Variants in ZNF577 observed in about 807,000 individuals in gnomAD.
The protein encoded by ZNF577 is zinc finger protein 577.
A neutral mutation model predicts 13.9 loss-of-function variants in ZNF577; 14 were observed. The observed-to-expected ratio is 1.00, with a 90% CI of 0.66 to 1.57. ZNF577 has a LOEUF of 1.57. ZNF577 is among the 40% of genes most tolerant of loss of function. The pLI, the probability that ZNF577 is intolerant of heterozygous loss-of-function variation, is 0.00. For synonymous variants in ZNF577, 203 were observed against 202.9 expected, an observed-to-expected ratio of 1.00 and a Z score of 0.00; for missense variants, 555 against 579.2, an observed-to-expected ratio of 0.96 and a Z score of 0.43.
At chr19:51,829,272 C>T (rs8111469) in intron 9 of ZNF577, among the ~76,000 whole-genome samples, 64,335 of 151,894 alleles carry the variant, frequency 0.42, 13,789 homozygotes, top group South Asian at 0.58. Flanking sequence ...ACAGCCCCGA[C>T]AAGCTGGCAC....
chr19:51,806,972 A>G (rs2084063262), intron 10 of ZNF577, among the ~76,000 whole-genome samples: 1 of 152,242 alleles, frequency 6.6e-6, no homozygotes, highest in Non-Finnish European at 1.5e-5. Context: ...GCCAATTAAT[A>G]TCTCCTAATA....
chr19:51,847,120 C>T (rs1347188415), intron 5 of ZNF577, among the ~76,000 whole-genome samples: 4 of 152,114 alleles, frequency 2.6e-5, no homozygotes, highest in Non-Finnish European at 1.5e-5. Flanking sequence ...CAAGTGTATA[C>T]AAACACTCGT....
At chr19:51,814,815 T>TTTGG (rs2084122669) in intron 9 of ZNF577, among the ~76,000 whole-genome samples, 2 of 150,314 alleles carry the variant, frequency 1.3e-5, no homozygotes, top group South Asian at 4.2e-4. Flanking sequence ...TTTTTGTTTG[T>TTTGG]TTGGTTTGGT....
Position 51,834,013 on chromosome 19 carries a change from G to A in ZNF577, c.*599+5880C>T, listed in dbSNP as rs191679110. ...AACATTTATCATTTCTCTATGTGGT[G>A]AAGATTCAAAATCCTCTCCTCTAGC... On this transcript the variant is annotated intron_variant and NMD_transcript_variant, in intron 9 of 10. Transcript: ENST00000638827. 2.6e-3 allele frequency among the ~76,000 whole-genome samples: 397 copies of A among 152,186 alleles called. 4 individuals carry two copies. Among genetic ancestry groups the A allele is most frequent in the African/African-American group, 8.9e-3 (371 of 41,526 alleles).
At chr19:51,886,085 A>G (rs1185038818) in intron 1 of ZNF577, 1 of 152,176 alleles carries the variant, frequency 6.6e-6, no homozygotes, top group Non-Finnish European at 1.5e-5. Flanking sequence ...ACAACCAAGC[A>G]CATCTATGAT....
At chr19:51,805,351 C>G (rs889218643) in intron 10 of ZNF577, 1 of 152,182 alleles carries the variant, frequency 6.6e-6, no homozygotes, top group Non-Finnish European at 1.5e-5. Context: ...TTGAGGCTCT[C>G]CAGGCCTTCC....
rs144837416 is a variant in ZNF577, at chr19:51,853,329, A to G, written c.284-8398T>C. 2.9e-3 allele frequency among the ~76,000 whole-genome samples: 446 copies of G among 151,946 alleles called. 2 individuals are homozygous for G. The highest frequency in any genetic ancestry group is 3.1e-3 in the Non-Finnish European group (208 of 68,010). On this transcript the variant is annotated intron_variant and NMD_transcript_variant, in intron 5 of 10. Coordinates refer to the ZNF577 transcript ENST00000638827. ...CTTCAGTGGTCAGCTCAGCAATTAC[A>G]GATACTTCTTAGAACCCACTATCTC...
intron 3 of ZNF577, 50 bp from the exon 4 acceptor site, chr19:51,878,565 CGGA>C (rs1568449487): frequency 6.2e-7 from 1 of 1,604,606 alleles, no homozygotes; most frequent in Non-Finnish European, 8.5e-7. Context: ...ATAGATGATG[CGGA>C]GAAGAGGGAC....
chr19:51,818,332 T>C (rs1181838370), intron 9 of ZNF577, among the ~76,000 whole-genome samples: 1 of 152,226 alleles, frequency 6.6e-6, no homozygotes, highest in Non-Finnish European at 1.5e-5. Context: ...TGTTTCCTAC[T>C]CTGTTTACAC....
At chr19:51,858,329 T>C (rs1329806652) in intron 5 of ZNF577, among the ~76,000 whole-genome samples, 1 of 152,244 alleles carries the variant, frequency 6.6e-6, no homozygotes, top group Non-Finnish European at 1.5e-5. Context: ...CAATTTCATC[T>C]AGCCAGTGTC....
At chr19:51,861,350 C>T (rs8105241) in intron 5 of ZNF577, 41,880 of 158,710 alleles carry the variant, frequency 0.26, 7,922 homozygotes, top group African/African-American at 0.53. Flanking sequence ...AGGCTGGTCT[C>T]GAACTCCCAA....
At chr19:51,883,497 T>C (rs2084896091) in intron 1 of ZNF577, among the ~76,000 whole-genome samples, 2 of 152,094 alleles carry the variant, frequency 1.3e-5, no homozygotes, top group Admixed American at 1.3e-4. Context: ...AGTGAGTAGT[T>C]CAACTTAGAG....
chr19:51,837,473 T>G (rs2109657), intron 9 of ZNF577, among the ~76,000 whole-genome samples: 20,426 of 152,192 alleles, frequency 0.13, 1,658 homozygotes, highest in East Asian at 0.26. Context: ...AGCAAATGGC[T>G]GGTAGGTTCT....
intron 5 of ZNF577, among the ~76,000 whole-genome samples, chr19:51,857,844 T>C (rs2084453890): frequency 6.6e-6 from 1 of 152,180 alleles, no homozygotes; most frequent in African/African-American, 2.4e-5. Context: ...ATTATTATTT[T>C]AAAATTTTTT....
intron 8 of ZNF577, among the ~76,000 whole-genome samples, chr19:51,842,368 C>A (rs8100040): frequency 1.3e-5 from 2 of 152,030 alleles, no homozygotes; most frequent in African/African-American, 4.8e-5. Flanking sequence ...AGGGCTCCAC[C>A]TCATGAGCAA....
Position 51,805,138 on chromosome 19 carries a change from C to T in ZNF577, c.*934G>A, listed in dbSNP as rs186678974. 16 of 152,328 alleles carry T rather than the reference C, an allele frequency of 1.1e-4. No individual in the cohort carries two copies. In the East Asian group the frequency reaches 2.5e-3, roughly 24 times the overall value. 9.4% of individuals were successfully genotyped at this position (152,328 alleles called of 1,614,324 possible). The stretch of plus-strand genomic sequence containing the variant: ...CTCCAGTGGAATGCTGAGTTGGTCA[C>T]GTCCCATGGGCCTTCGGCTCCCTGC... On this transcript the variant is annotated 3_prime_UTR_variant and NMD_transcript_variant, in exon 11 of 11. Transcript: ENST00000638827.
intron 9 of ZNF577, among the ~76,000 whole-genome samples, chr19:51,835,329 T>C (rs961312139): frequency 1.3e-5 from 2 of 151,394 alleles, no homozygotes; most frequent in African/African-American, 4.9e-5. Context: ...AAAGCACACA[T>C]ATGAAACTGT....
At chr19:51,876,559 G>A (rs956779559) in intron 5 of ZNF577, among the ~76,000 whole-genome samples, 56 of 152,178 alleles carry the variant, frequency 3.7e-4, no homozygotes, top group African/African-American at 1.3e-3. Context: ...GCTAAGGTGA[G>A]GTGATTTTCA....
rs1178091378 is a variant in ZNF577, at chr19:51,867,804, A to G, written c.*4728T>C. Reference sequence around the variant, plus strand: ...CATCTCAAATAAACAAAAAACAAAAACAAGCAAACAAACAAAAAGAACAAA... The same window carrying G: ...CATCTCAAATAAACAAAAAACAAAAGCAAGCAAACAAACAAAAAGAACAAA... On this transcript the variant is annotated 3_prime_UTR_variant, in exon 6 of 6. Transcript: ENST00000638348. Among the ~76,000 whole-genome samples the G allele has an allele frequency of 3.9e-5, 6 of 151,980 alleles. No homozygotes were observed.
Sources: gnomAD v4.1 joint callset for allele counts (sites outside exome capture counted in the v4.1 genomes callset) on GRCh38, gnomAD v4.1.1 for gene constraint, MANE v1.5 for transcripts, NCBI Gene and HGNC (gene_info 2026-07-23, HGNC 2026-07-21) for gene names.